PTH1R: variants seen among roughly 807,000 people sequenced by gnomAD.
PTH1R encodes parathyroid hormone 1 receptor.
A neutral mutation model predicts 70.7 loss-of-function variants in PTH1R; 32 were observed. The ratio of observed to expected loss-of-function variants is 0.45; its 90% CI spans 0.34 to 0.61. The LOEUF is 0.61. PTH1R is among the 20% of genes least tolerant of loss of function. The pLI is 0.01. For synonymous variants in PTH1R, 329 were observed against 324.8 expected (o/e 1.01, Z -0.14); for missense variants, 626 against 792.5 (o/e 0.79, Z 2.52).
At position 46,883,089 on chromosome 3, in the gene PTH1R, C is replaced by T. The variant is rs1251115038; in HGVS notation, c.-48-423C>T. Among the ~76,000 whole-genome samples, 1 of 151,630 alleles carries T rather than the reference C, an allele frequency of 6.6e-6. No individual in the cohort carries two copies. The highest frequency in any genetic ancestry group is 2.0e-4 in the East Asian group (1 of 5,114). ...GACCGCGACCCCGACCCCTCCCCCG[C>T]CCCCTCCCCCCACTGGGCGTGGGGC... On this transcript the variant is annotated intron_variant, in intron 2 of 15. Transcript: ENST00000449590. This position sits in a 1 kb window ranked among gnomAD's most constrained non-coding sequence, Gnocchi z 6.4.
chr3:46,888,014 A>C (rs1227792818), intron 3 of PTH1R, among the ~76,000 whole-genome samples: 4 of 152,166 alleles, frequency 2.6e-5, no homozygotes, highest in Admixed American at 6.5e-5. Flanking sequence ...TTTTATTTTA[A>C]TAGCATGGCC....
intron 3 of PTH1R, among the ~76,000 whole-genome samples, chr3:46,885,294 G>T (rs1423558031): frequency 6.6e-6 from 1 of 152,120 alleles, no homozygotes; most frequent in Non-Finnish European, 1.5e-5. Context: ...GTGTTTGTGT[G>T]TGCCTTTGTG....
Position 46,901,600 on chromosome 3 carries a change from G to T in PTH1R, c.1116+120G>T. On this transcript the variant is annotated intron_variant, in intron 12 of 15. Coordinates refer to ENST00000449590, the MANE Select transcript of PTH1R (RefSeq NM_000316.3). This position sits in a 1 kb window ranked among gnomAD's most constrained non-coding sequence, Gnocchi z 7.3. ...TGGACCCCAGTGTCAGAGCTACAGA[G>T]GCCGGAGGACCAGCTGATCCACACT... The T allele has an allele frequency of 7.2e-7, 1 of 1,386,114 alleles. No individual in the cohort carries two copies. Among genetic ancestry groups the T allele is most frequent in the Non-Finnish European group, 1.0e-6 (1 of 1,002,486 alleles). 85.9% of individuals were successfully genotyped at this position (1,386,114 alleles called of 1,614,324 possible).
chr3:46,885,222 G>A (rs921080918), intron 3 of PTH1R, among the ~76,000 whole-genome samples: 1 of 152,138 alleles, frequency 6.6e-6, no homozygotes, highest in African/African-American at 2.4e-5. Flanking sequence ...GTGAGTGTCT[G>A]AGTCCCTGTG....
rs1477798063 is a variant in PTH1R, at chr3:46,891,466, A to G, written c.76-2441A>G. Among the ~76,000 whole-genome samples, 1 of 152,236 alleles carries G rather than the reference A, an allele frequency of 6.6e-6. No individual in the cohort carries two copies. Among genetic ancestry groups the G allele is most frequent in the African/African-American group, 2.4e-5 (1 of 41,470 alleles). On this transcript the variant is annotated intron_variant, in intron 3 of 15. Coordinates refer to ENST00000449590, the MANE Select transcript of PTH1R (RefSeq NM_000316.3). This position sits in a 1 kb window ranked among gnomAD's most constrained non-coding sequence, Gnocchi z 4.3. ...GGCTGGTCTGTCTGTTGGGAGGCCC[A>G]GGGAGTCAGCAAGTCTCTAAGGATG... is the stretch of plus-strand genomic sequence containing the variant.
At chr3:46,886,649 G>T (rs970936624) in intron 3 of PTH1R, among the ~76,000 whole-genome samples, 3 of 152,110 alleles carry the variant, frequency 2.0e-5, no homozygotes, top group Non-Finnish European at 1.5e-5. Flanking sequence ...GAGCCACCAC[G>T]CCCGGCCGGT....
Position 46,901,165 on chromosome 3 carries a change from C to T in PTH1R, c.1049+80C>T. 4 of 1,497,672 alleles carry T rather than the reference C, an allele frequency of 2.7e-6. No homozygotes were observed. Among genetic ancestry groups the T allele is most frequent in the Admixed American group, 2.0e-5 (1 of 50,942 alleles). 92.8% of individuals were successfully genotyped at this position (1,497,672 alleles called of 1,614,324 possible). A position where few individuals can be genotyped will look rare whatever the true frequency, so the allele number is the denominator to read the frequency against. ...TTCCAGGAAGCATGTGAGAGGGCCTCCTGTACCCTGGCCTCAAACGGCCCA... is the reference window on the plus strand; with the variant it reads ...TTCCAGGAAGCATGTGAGAGGGCCTTCTGTACCCTGGCCTCAAACGGCCCA... On this transcript the variant is annotated intron_variant, in intron 11 of 15. Transcript: ENST00000449590. The surrounding 1 kb of genome is among the most constrained non-coding windows in gnomAD (Gnocchi z 7.3).
rs948350602 is a variant in PTH1R at position 46,898,870 on chromosome 3, C to G, written c.834+13C>G. ...CGCTGCCGGCTACGTGAGTACCCCT[C>G]TGCCCGCCCGCTCCCGGTGCCGCCA... On this transcript the variant is annotated intron_variant, in intron 9 of 15. Coordinates refer to ENST00000449590, the MANE Select transcript of PTH1R (RefSeq NM_000316.3). 22 of 1,504,420 alleles carry G rather than the reference C, an allele frequency of 1.5e-5. No homozygotes were observed. The highest frequency in any genetic ancestry group is 4.1e-5 in the Admixed American group (2 of 49,166). 93.2% of individuals were successfully genotyped at this position (1,504,420 alleles called of 1,614,324 possible).
At position 46,885,844 on chromosome 3, in the gene PTH1R, C is replaced by G. The variant is rs1303469536; in HGVS notation, c.75+2210C>G. ...TCCTGAGCCCAGAGGGCTACTGCCC[C>G]CCTTTAGATCTGCACCTATGCCCCT... On this transcript the variant is annotated intron_variant, in intron 3 of 15. Coordinates refer to ENST00000449590, the MANE Select transcript of PTH1R (RefSeq NM_000316.3). Among the ~76,000 whole-genome samples the G allele has an allele frequency of 3.9e-5, 6 of 152,292 alleles. No homozygotes were observed. The South Asian group carries it at 1.0e-3, about 26-fold the overall frequency.
At position 46,879,231 on chromosome 3, in the gene PTH1R, C is replaced by T. The variant is rs1200447242; in HGVS notation, c.-106+1388C>T. Reference sequence around the variant, plus strand: ...CCATCAGATTCCTCTCTGCAGCCCTCTCCACAGCCCACCCTCATCCTCCCA... The same window carrying T: ...CCATCAGATTCCTCTCTGCAGCCCTTTCCACAGCCCACCCTCATCCTCCCA... On this transcript the variant is annotated intron_variant, in intron 1 of 15. Transcript: ENST00000449590. This position sits in a 1 kb window ranked among gnomAD's most constrained non-coding sequence, Gnocchi z 4.7. 6.6e-6 allele frequency among the ~76,000 whole-genome samples: 1 copy of T among 152,190 alleles called. No homozygotes were observed. The highest frequency in any genetic ancestry group is 1.9e-4 in the East Asian group (1 of 5,186).
chr3:46,894,789 C>T (rs1291509980), intron 4 of PTH1R, among the ~76,000 whole-genome samples: 1 of 151,992 alleles, frequency 6.6e-6, no homozygotes, highest in Admixed American at 6.6e-5. Context: ...ACCAGGGGGG[C>T]CTAGCTTGGG....
At chr3:46,890,357 G>A (rs2031332331) in intron 3 of PTH1R, among the ~76,000 whole-genome samples, 1 of 152,108 alleles carries the variant, frequency 6.6e-6, no homozygotes, top group African/African-American at 2.4e-5. Context: ...ATGTCACCAG[G>A]CAGCAGGGGT....
At position 46,898,481 on chromosome 3, in the gene PTH1R, G is replaced by A. The variant is rs371052201; in HGVS notation, c.638+9G>A. 1.6e-5 allele frequency: 26 copies of A among 1,613,664 alleles called. No individual in the cohort carries two copies. The African/African-American group carries it at 3.5e-4, about 22-fold the overall frequency. On this transcript the variant is annotated intron_variant, in intron 8 of 15. Transcript: ENST00000449590. Reference sequence around the variant, plus strand: ...ATCCTGGCCTACTTTAGGTGGGCGGGGCGGGGCGAGAGGCGGCGGGACATG... The same window carrying A: ...ATCCTGGCCTACTTTAGGTGGGCGGAGCGGGGCGAGAGGCGGCGGGACATG...
Position 46,901,174 on chromosome 3 carries a change from T to G in PTH1R, c.1049+89T>G. The G allele has an allele frequency of 2.0e-6, 3 of 1,479,876 alleles. No homozygotes were observed. Among genetic ancestry groups the G allele is most frequent in the Non-Finnish European group, 2.8e-6 (3 of 1,083,862 alleles). 91.7% of individuals were successfully genotyped at this position (1,479,876 alleles called of 1,614,324 possible). A position where few individuals can be genotyped will look rare whatever the true frequency, so the allele number is the denominator to read the frequency against. ...GCATGTGAGAGGGCCTCCTGTACCC[T>G]GGCCTCAAACGGCCCAGCCTCAGGA... On this transcript the variant is annotated intron_variant, in intron 11 of 15. Coordinates refer to ENST00000449590, the MANE Select transcript of PTH1R (RefSeq NM_000316.3). This position sits in a 1 kb window ranked among gnomAD's most constrained non-coding sequence, Gnocchi z 7.3.
rs545904589 is a variant in PTH1R, at chr3:46,877,743, G to C, written c.-206G>C. On this transcript the variant is annotated 5_prime_UTR_variant, in exon 1 of 16. Transcript: ENST00000449590. ...AGCAGCACTATCCTTGCTTAGGCCT[G>C]AGCCACAGAAGCTGCTCAGGGACTA... The C allele has an allele frequency of 6.6e-6, 1 of 152,270 alleles. No individual in the cohort carries two copies. Among genetic ancestry groups the C allele is most frequent in the Non-Finnish European group, 1.5e-5 (1 of 68,054 alleles). The allele number at this position is 152,270 out of a possible 1,614,324, so 9.4% of individuals were successfully genotyped here.
At position 46,902,674 on chromosome 3, in the gene PTH1R, A is replaced by G. The variant is rs2107064192; in HGVS notation, c.1353+7A>G. 1 of 1,611,856 alleles carries G rather than the reference A, an allele frequency of 6.2e-7. No individual in the cohort carries two copies. The highest frequency in any genetic ancestry group is 2.2e-5 in the East Asian group (1 of 44,770). ...GCTCTTCAACTCCTTCCAGGTGCGCAGTGCTGGCCCGGGCCTGGCTGAGGG... is the reference window on the plus strand; with the variant it reads ...GCTCTTCAACTCCTTCCAGGTGCGCGGTGCTGGCCCGGGCCTGGCTGAGGG... On this transcript the variant is annotated splice_region_variant and intron_variant, in intron 14 of 15. Coordinates refer to ENST00000449590, the MANE Select transcript of PTH1R (RefSeq NM_000316.3). The surrounding 1 kb of genome is among the most constrained non-coding windows in gnomAD (Gnocchi z 5.4).
In PTH1R at chr3:46,882,170, G is replaced by C. The variant is rs1391336819; in HGVS notation, c.-49+1052G>C. ...CTCGGCCTCTCCACACTCCCGCGTC[G>C]GCGGCTGCGGAGGGGGTGGGGGCGG... On this transcript the variant is annotated intron_variant, in intron 2 of 15. Coordinates refer to ENST00000449590, the MANE Select transcript of PTH1R (RefSeq NM_000316.3). This position sits in a 1 kb window ranked among gnomAD's most constrained non-coding sequence, Gnocchi z 4.3. 5 of 151,784 alleles carry C rather than the reference G, an allele frequency of 3.3e-5. No individual in the cohort carries two copies. The highest frequency in any genetic ancestry group is 6.5e-5 in the Admixed American group (1 of 15,276). 9.4% of individuals were successfully genotyped at this position (151,784 alleles called of 1,614,324 possible).
At chr3:46,899,478 C>A in intron 10 of PTH1R, 22 bp downstream of exon 10, 5 of 1,604,766 alleles carry the variant, frequency 3.1e-6, no homozygotes, top group Non-Finnish European at 4.3e-6. Flanking sequence ...CAGCGGGTAG[C>A]GAGGTGCCGG....
Position 46,895,743 on chromosome 3 carries a change from A to C in PTH1R, c.187A>C (p.Met63Leu). 1 of 1,614,044 alleles carries C rather than the reference A, an allele frequency of 6.2e-7. No homozygotes were observed. The highest frequency in any genetic ancestry group is 1.1e-5 in the South Asian group (1 of 91,080). The part of the protein sequence containing the change: ...KEVLQRPASI[M>L]ESDKGWTSAS... ...CACCCTGGTTTCTCCAGCCAGCATA[A>C]TGGAATCAGACAAGGGATGGACATC... is the stretch of plus-strand genomic sequence containing the variant. The change falls in exon 5 of 16, where the codon ATG becomes CTG. Residue 63 changes from methionine to leucine, a missense_variant. Met to Leu is a conservative substitution (Grantham distance 15, BLOSUM62 2). Coordinates refer to ENST00000449590, the MANE Select transcript of PTH1R (RefSeq NM_000316.3).
Sources: gnomAD v4.1 joint callset for allele counts (sites outside exome capture counted in the v4.1 genomes callset) on GRCh38, gnomAD v4.1.1 for gene constraint, Gnocchi (gnomAD v3.1) non-coding constraint, MANE v1.5 for transcripts, NCBI Gene and HGNC (gene_info 2026-07-23, HGNC 2026-07-21) for gene names.